Variants in EPHA4 observed in about 807,000 individuals in gnomAD.
The protein encoded by EPHA4 is ephrin type-A receptor 4.
EPHA4 carries 19 observed loss-of-function variants against 108.3 expected under a neutral mutation model. The observed-to-expected ratio is 0.18, with a 90% confidence interval of 0.12 to 0.26. The LOEUF is 0.26. EPHA4 is among the 10% of genes least tolerant of loss of function. The pLI is 1.00. For synonymous variants in EPHA4, 449 were observed against 455.5 expected (o/e 0.99, Z 0.18); for missense variants, 917 against 1,254.0 (o/e 0.73, Z 4.06).
At chr2:221,521,104 A>G (rs1693151801) in intron 3 of EPHA4, among the ~76,000 whole-genome samples, 1 of 152,232 alleles carries the variant, frequency 6.6e-6, no homozygotes. Flanking sequence ...CAAGGCTTGG[A>G]CCATATAGTG....
intron 3 of EPHA4, chr2:221,502,660 A>G: frequency 4.3e-6 from 2 of 461,820 alleles, no homozygotes; most frequent in South Asian, 3.1e-5. Flanking sequence ...ACCCACTCGC[A>G]TATCCTGTTG....
intron 4 of EPHA4, 89 bp from the exon 5 acceptor site, chr2:221,482,779 A>G: frequency 8.1e-7 from 1 of 1,240,598 alleles, no homozygotes; most frequent in Non-Finnish European, 1.1e-6. Context: ...GCAGCTCTCC[A>G]AAGCAAGGCA....
At chr2:221,462,786 C>T (rs988006458) in intron 5 of EPHA4, among the ~76,000 whole-genome samples, 3 of 152,190 alleles carry the variant, frequency 2.0e-5, no homozygotes, top group African/African-American at 4.8e-5. Context: ...TGTAAAATGT[C>T]ATTCAAATGT....
At chr2:221,465,952 G>A (rs965438498) in intron 5 of EPHA4, among the ~76,000 whole-genome samples, 3 of 152,140 alleles carry the variant, frequency 2.0e-5, no homozygotes, top group Non-Finnish European at 4.4e-5. Context: ...ACAGAAGATT[G>A]GTCTGTGGTT....
chr2:221,439,861 C>T (rs967526854), intron 11 of EPHA4, among the ~76,000 whole-genome samples: 1 of 152,144 alleles, frequency 6.6e-6, no homozygotes, highest in Non-Finnish European at 1.5e-5. Flanking sequence ...AATTTATGGT[C>T]CTCCTGCCAA....
intron 5 of EPHA4, among the ~76,000 whole-genome samples, chr2:221,474,793 A>G (rs1263497745): frequency 6.6e-6 from 1 of 152,176 alleles, no homozygotes; most frequent in Non-Finnish European, 1.5e-5. Flanking sequence ...GGTAAGGAAA[A>G]ATAACACGAT....
At chr2:221,538,071 C>CA (rs34923717) in intron 3 of EPHA4, among the ~76,000 whole-genome samples, 85,739 of 151,918 alleles carry the variant, frequency 0.56, 24,929 homozygotes, top group African/African-American at 0.7. Flanking sequence ...GCAAAACTGA[C>CA]AGAGTGCTGA....
At chr2:221,566,648 A>G (rs1230854575) in intron 2 of EPHA4, among the ~76,000 whole-genome samples, 1 of 151,668 alleles carries the variant, frequency 6.6e-6, no homozygotes, top group Non-Finnish European at 1.5e-5. Flanking sequence ...ACCTGCTTAT[A>G]TCCAGCCCAT....
intron 3 of EPHA4, among the ~76,000 whole-genome samples, chr2:221,556,471 AT>A (rs1225934215): frequency 4.3e-3 from 486 of 113,706 alleles, no homozygotes; most frequent in East Asian, 8.3e-3. Flanking sequence ...TAATTTTTGT[AT>A]TTTTTTTTTT....
intron 17 of EPHA4, 30 bp downstream of exon 17, chr2:221,425,179 G>GA (rs769431518): frequency 7.9e-5 from 12 of 152,344 alleles, no homozygotes; most frequent in African/African-American, 1.7e-4. Context: ...TTTCACTGGA[G>GA]AAAAAATCAT....
chr2:221,432,117 T>C (rs1690093497), intron 14 of EPHA4, among the ~76,000 whole-genome samples: 1 of 142,090 alleles, frequency 7.0e-6, no homozygotes, highest in South Asian at 2.1e-4. Flanking sequence ...ATTCTTTATA[T>C]ATATATATTG....
At chr2:221,462,964 T>C (rs564635362) in intron 5 of EPHA4, among the ~76,000 whole-genome samples, 2 of 152,322 alleles carry the variant, frequency 1.3e-5, no homozygotes, top group African/African-American at 4.8e-5. Flanking sequence ...GGTGGAGTGA[T>C]GGTGAGACTC....
intron 10 of EPHA4, 78 bp downstream of exon 10, chr2:221,443,415 C>A: frequency 9.3e-7 from 1 of 1,078,532 alleles, no homozygotes; most frequent in Non-Finnish European, 1.4e-6. Flanking sequence ...CTCACAAAAG[C>A]ATTTATGTAA....
At chr2:221,539,689 C>T (rs1030880188) in intron 3 of EPHA4, among the ~76,000 whole-genome samples, 3 of 152,034 alleles carry the variant, frequency 2.0e-5, no homozygotes, top group Non-Finnish European at 2.9e-5. Flanking sequence ...GGAGTAGTCA[C>T]GGGAGTAGTA....
rs113871692 is a variant in EPHA4 at position 221,469,123 on chromosome 2, A to G, written c.1319-11133T>C. 9.8e-3 allele frequency among the ~76,000 whole-genome samples: 1,494 copies of G among 152,346 alleles called. 32 individuals are homozygous for G. Among genetic ancestry groups the G allele is most frequent in the African/African-American group, 0.034 (1,409 of 41,588 alleles). On this transcript the variant is annotated intron_variant, in intron 5 of 17. Transcript: ENST00000281821. The stretch of plus-strand genomic sequence containing the variant: ...TGAATGAAGTGAGGTATATTAATCC[A>G]GATAATAGAAAAGAGTATGTGTTGG...
At chr2:221,482,929 G>C (rs758628971) in intron 4 of EPHA4, among the ~76,000 whole-genome samples, 7 of 152,216 alleles carry the variant, frequency 4.6e-5, no homozygotes, top group African/African-American at 9.6e-5. Flanking sequence ...GTCACTTTGA[G>C]ATGTGAAGCA....
intron 3 of EPHA4, among the ~76,000 whole-genome samples, chr2:221,529,356 A>T (rs1693435122): frequency 6.6e-6 from 1 of 152,116 alleles, no homozygotes. Context: ...CACAGGAGGG[A>T]AACTGAGTAG....
chr2:221,455,464 C>A, intron 8 of EPHA4, 83 bp downstream of exon 8: 2 of 1,088,112 alleles, frequency 1.8e-6, no homozygotes, highest in Admixed American at 1.9e-5. Context: ...AATCAAAAGC[C>A]TTAGCTTTGT....
At chr2:221,437,471 T>C (rs938834045) in intron 11 of EPHA4, 5 of 182,328 alleles carry the variant, frequency 2.7e-5, no homozygotes, top group Non-Finnish European at 4.5e-5. Flanking sequence ...AAATAATCTT[T>C]AGGATAATTA....
Sources: allele counts gnomAD v4.1 joint callset (sites outside exome capture counted in the v4.1 genomes callset), GRCh38; gene constraint gnomAD v4.1.1; transcripts MANE v1.5; gene names NCBI Gene and HGNC (gene_info 2026-07-23, HGNC 2026-07-21).